The following RAPGEF2 variants were observed in gnomAD, a reference collection of about 807,000 sequenced individuals.
The protein encoded by RAPGEF2 is Rap guanine nucleotide exchange factor 2.
Under a neutral mutation model 186.7 loss-of-function variants are expected in RAPGEF2, and 54 were observed. That is an observed-to-expected ratio of 0.29 (90% CI 0.23 to 0.36). The LOEUF (loss-of-function observed/expected upper bound fraction) is 0.36, where lower values mean the gene tolerates loss of function less well. Ranked by LOEUF, RAPGEF2 falls within the 10% of genes least tolerant of loss-of-function variation. The pLI is 1.00. For synonymous variants in RAPGEF2, 712 were observed against 705.9 expected (o/e 1.01, Z -0.14); for missense variants, 1,532 against 2,045.0 (o/e 0.75, Z 4.84).
At chr4:159,315,899 TAGGCCTCCGGATAACTGCGGGCG>T (rs1764533680) in intron 9 of RAPGEF2, among the ~76,000 whole-genome samples, 1 of 152,308 alleles carries the variant, frequency 6.6e-6, no homozygotes, top group African/African-American at 2.4e-5. Context: ...GGGAGATGGT[TAGGCCTCCGGATAACTGCGGGCG>T]AGCCTGACTA....
chr4:159,202,055 T>C (rs965948430), intron 3 of RAPGEF2, among the ~76,000 whole-genome samples: 1 of 152,228 alleles, frequency 6.6e-6, no homozygotes, highest in African/African-American at 2.4e-5. Flanking sequence ...TGATGCTATA[T>C]GTGGTTCTCA....
chr4:159,191,365 T>A (rs948979126), intron 2 of RAPGEF2, among the ~76,000 whole-genome samples: 4 of 152,130 alleles, frequency 2.6e-5, no homozygotes, highest in Non-Finnish European at 5.9e-5. Context: ...ATGCTGATTA[T>A]TTTTAGAGCT....
At chr4:159,143,153 T>C (rs967656723) in intron 1 of RAPGEF2, among the ~76,000 whole-genome samples, 1 of 152,084 alleles carries the variant, frequency 6.6e-6, no homozygotes, top group Non-Finnish European at 1.5e-5. Flanking sequence ...TCACTTGAGC[T>C]CAGGAGTTCC....
intron 1 of RAPGEF2, among the ~76,000 whole-genome samples, chr4:159,129,505 A>G (rs1161132866): frequency 1.3e-5 from 2 of 152,218 alleles, no homozygotes; most frequent in African/African-American, 4.8e-5. Flanking sequence ...ATGTTTTCTT[A>G]TGGTTTATTC....
intron 1 of RAPGEF2, among the ~76,000 whole-genome samples, chr4:159,115,295 C>T (rs1192229296): frequency 6.6e-6 from 1 of 152,054 alleles, no homozygotes; most frequent in African/African-American, 2.4e-5. Flanking sequence ...AAGATATTTA[C>T]TATTTTCAAT....
At chr4:159,236,181 C>T (rs890976245) in intron 4 of RAPGEF2, among the ~76,000 whole-genome samples, 7 of 152,110 alleles carry the variant, frequency 4.6e-5, no homozygotes, top group Non-Finnish European at 8.8e-5. Flanking sequence ...ATCTTTGTGA[C>T]GGTTTATGGA....
intron 20 of RAPGEF2, 146 bp downstream of exon 20, chr4:159,342,093 T>A: frequency 1.2e-6 from 1 of 809,118 alleles, no homozygotes; most frequent in African/African-American, 1.8e-5. Flanking sequence ...AATCCTAACC[T>A]TAATCCTTAA....
chr4:159,266,480 A>G (rs1403209855), intron 7 of RAPGEF2, among the ~76,000 whole-genome samples: 4 of 152,220 alleles, frequency 2.6e-5, no homozygotes, highest in Non-Finnish European at 5.9e-5. Context: ...GCAGTCTTTC[A>G]AATACCTACA....
intron 20 of RAPGEF2, among the ~76,000 whole-genome samples, chr4:159,342,613 T>G (rs960707075): frequency 6.1e-5 from 9 of 147,954 alleles, no homozygotes; most frequent in East Asian, 1.9e-4. Context: ...TTTATTTTAT[T>G]TTATTACTAG....
At chr4:159,247,260 C>T (rs1754753132) in intron 7 of RAPGEF2, among the ~76,000 whole-genome samples, 1 of 152,100 alleles carries the variant, frequency 6.6e-6, no homozygotes, top group Non-Finnish European at 1.5e-5. Context: ...CTGTCCCAGG[C>T]TCTAGAGATA....
At chr4:159,197,646 T>C (rs1031809716) in intron 3 of RAPGEF2, among the ~76,000 whole-genome samples, 2 of 152,232 alleles carry the variant, frequency 1.3e-5, no homozygotes, top group African/African-American at 4.8e-5. Flanking sequence ...AATCTGTAAA[T>C]GTGCAATTTA....
chr4:159,240,413 A>G (rs1753836542), intron 5 of RAPGEF2, among the ~76,000 whole-genome samples: 1 of 137,674 alleles, frequency 7.3e-6, no homozygotes, highest in South Asian at 2.2e-4. Context: ...AGCTCACTGC[A>G]ACCTCCACCT....
At chr4:159,327,931 C>T (rs1766161449) in intron 11 of RAPGEF2, 1 of 151,338 alleles carries the variant, frequency 6.6e-6, no homozygotes, top group African/African-American at 2.4e-5. Context: ...TGTCTAGACA[C>T]TAAGAATTTC....
chr4:159,251,957 GTCTGCAGC>G (rs780813631), intron 7 of RAPGEF2, among the ~76,000 whole-genome samples: 116 of 152,160 alleles, frequency 7.6e-4, no homozygotes, highest in Non-Finnish European at 1.2e-3. Context: ...CACCGCGGAG[GTCTGCAGC>G]TTCCCTCCTG....
At chr4:159,260,168 C>T (rs939199128) in intron 7 of RAPGEF2, among the ~76,000 whole-genome samples, 16 of 151,794 alleles carry the variant, frequency 1.1e-4, no homozygotes, top group Admixed American at 3.3e-4. Context: ...TTTATAGAGA[C>T]GAGGTTTTGC....
At chr4:159,189,827 A>T (rs935710859) in intron 2 of RAPGEF2, among the ~76,000 whole-genome samples, 2 of 152,248 alleles carry the variant, frequency 1.3e-5, no homozygotes, top group African/African-American at 4.8e-5. Flanking sequence ...TTTATTTTAT[A>T]AACAGTTATC....
intron 7 of RAPGEF2, among the ~76,000 whole-genome samples, chr4:159,261,614 G>A (rs1187206800): frequency 6.6e-6 from 1 of 152,132 alleles, no homozygotes; most frequent in Non-Finnish European, 1.5e-5. Context: ...AATATTACCA[G>A]CTTTTTGTAG....
intron 1 of RAPGEF2, among the ~76,000 whole-genome samples, chr4:159,156,141 G>T (rs1365172470): frequency 6.6e-6 from 1 of 152,098 alleles, no homozygotes; most frequent in African/African-American, 2.4e-5. Flanking sequence ...TCATCCTCTG[G>T]CTGGGGCTAC....
At chr4:159,123,379 T>G (rs1739928792) in intron 1 of RAPGEF2, among the ~76,000 whole-genome samples, 1 of 152,204 alleles carries the variant, frequency 6.6e-6, no homozygotes, top group Non-Finnish European at 1.5e-5. Context: ...TTGCATATAT[T>G]CTATAAAAAG....
Sources: gnomAD v4.1 joint callset for allele counts (sites outside exome capture counted in the v4.1 genomes callset) on GRCh38, gnomAD v4.1.1 for gene constraint, MANE v1.5 for transcripts, NCBI Gene and HGNC (gene_info 2026-07-23, HGNC 2026-07-21) for gene names.